SMOC1: variants seen among roughly 807,000 people sequenced by gnomAD.
SMOC1 encodes the protein SPARC-related modular calcium-binding protein 1.
SMOC1 carries 22 observed loss-of-function variants against 56.3 expected under a neutral mutation model. The observed-to-expected ratio is 0.39, with a 90% CI of 0.28 to 0.56. SMOC1 has a LOEUF of 0.56. Ranked by LOEUF, SMOC1 falls within the 20% of genes least tolerant of loss-of-function variation. The pLI, the probability that SMOC1 is intolerant of heterozygous loss-of-function variation, is 0.61. For missense variants in SMOC1, 509 were observed against 565.4 expected (o/e 0.90, Z 1.01); for synonymous variants, 193 against 215.0 (o/e 0.90, Z 0.89).
intron 6 of SMOC1, among the ~76,000 whole-genome samples, chr14:69,992,827 T>C (rs1030133487): frequency 6.6e-6 from 1 of 152,090 alleles, no homozygotes; most frequent in African/African-American, 2.4e-5. Flanking sequence ...TAATTGGCAC[T>C]TGCAAGTGTC....
intron 1 of SMOC1, among the ~76,000 whole-genome samples, chr14:69,906,132 C>T (rs184722048): frequency 7.7e-4 from 117 of 152,268 alleles, no homozygotes; most frequent in African/African-American, 2.7e-3. Context: ...AACAATCTCC[C>T]CTACCCCACA....
chr14:69,980,517 A>G (rs1351638317), intron 5 of SMOC1, among the ~76,000 whole-genome samples: 1 of 152,168 alleles, frequency 6.6e-6, no homozygotes, highest in Non-Finnish European at 1.5e-5. Flanking sequence ...CGCAGTGAAG[A>G]GCAGGTTCGG....
chr14:69,890,634 G>A (rs1369898903), intron 1 of SMOC1, among the ~76,000 whole-genome samples: 3 of 152,154 alleles, frequency 2.0e-5, no homozygotes, highest in African/African-American at 7.2e-5. Flanking sequence ...TGACACAATT[G>A]GCCTGTATTC....
intron 1 of SMOC1, among the ~76,000 whole-genome samples, chr14:69,926,128 A>G (rs1885004831): frequency 6.6e-6 from 1 of 151,984 alleles, no homozygotes; most frequent in Non-Finnish European, 1.5e-5. Flanking sequence ...TTGCATGTCC[A>G]GGGAACAGAC....
intron 3 of SMOC1, among the ~76,000 whole-genome samples, chr14:69,972,794 G>T (rs1883816084): frequency 6.6e-6 from 1 of 152,234 alleles, no homozygotes; most frequent in Non-Finnish European, 1.5e-5. Flanking sequence ...ATTTGCTTCT[G>T]TCCCCACTAG....
At chr14:69,895,426 A>G (rs1017139559) in intron 1 of SMOC1, among the ~76,000 whole-genome samples, 3 of 152,170 alleles carry the variant, frequency 2.0e-5, no homozygotes, top group African/African-American at 7.2e-5. Context: ...GTAAACATCC[A>G]CCCAACTGAA....
chr14:69,949,488 C>T (rs1882915020), intron 1 of SMOC1, among the ~76,000 whole-genome samples: 1 of 152,154 alleles, frequency 6.6e-6, no homozygotes. Context: ...CCACTGGTAA[C>T]CAAATCATGC....
At chr14:69,966,417 A>G (rs944371403) in intron 3 of SMOC1, among the ~76,000 whole-genome samples, 7 of 152,214 alleles carry the variant, frequency 4.6e-5, no homozygotes, top group African/African-American at 1.7e-4. Context: ...TCTTCACCAT[A>G]TAATTGGATT....
At chr14:69,946,563 A>G (rs2139426677) in intron 1 of SMOC1, among the ~76,000 whole-genome samples, 1 of 152,320 alleles carries the variant, frequency 6.6e-6, no homozygotes, top group African/African-American at 2.4e-5. Context: ...TAAAACTGCT[A>G]TTTCCCTCTA....
chr14:69,947,804 A>G (rs995754502), intron 1 of SMOC1, among the ~76,000 whole-genome samples: 4 of 152,252 alleles, frequency 2.6e-5, no homozygotes, highest in Non-Finnish European at 5.9e-5. Flanking sequence ...GCAGTGCTTA[A>G]TAGCCACATG....
At position 69,910,708 on chromosome 14, in the gene SMOC1, G is replaced by A. The variant is rs1417600968; in HGVS notation, c.99+30931G>A. 3.3e-5 allele frequency among the ~76,000 whole-genome samples: 5 copies of A among 152,186 alleles called. No homozygotes were observed. The South Asian group carries it at 1.0e-3, about 32-fold the overall frequency. ...CATAGGGTCAAGAGAGACAGACTGT[G>A]TGTATGCCGAGGAGGTGTCAAGTCA... On this transcript the variant is annotated intron_variant, in intron 1 of 11. Coordinates refer to ENST00000361956, the MANE Select transcript of SMOC1 (RefSeq NM_001034852.3).
chr14:69,919,707 C>T (rs1884781175), intron 1 of SMOC1, among the ~76,000 whole-genome samples: 1 of 152,144 alleles, frequency 6.6e-6, no homozygotes, highest in Admixed American at 6.5e-5. Context: ...TTGGGTGGGC[C>T]TAAGATCTAC....
chr14:69,921,944 G>C (rs1421120669), intron 1 of SMOC1, among the ~76,000 whole-genome samples: 1 of 152,230 alleles, frequency 6.6e-6, no homozygotes, highest in Admixed American at 6.5e-5. Context: ...TGGGCTGGCT[G>C]TGATTTTGGG....
intron 3 of SMOC1, among the ~76,000 whole-genome samples, chr14:69,965,404 T>TAATAATAATAATAAAAAA (rs761154559): frequency 6.7e-5 from 10 of 149,478 alleles, no homozygotes; most frequent in South Asian, 4.2e-4. Context: ...ATAATAATAA[T>TAATAATAATAATAAAAAA]AAAAAGATGA....
intron 3 of SMOC1, among the ~76,000 whole-genome samples, chr14:69,954,241 C>A (rs1883110062): frequency 6.6e-6 from 1 of 152,216 alleles, no homozygotes; most frequent in East Asian, 1.9e-4. Context: ...AGCAGTGGCA[C>A]AATCATAGCT....
intron 5 of SMOC1, among the ~76,000 whole-genome samples, chr14:69,985,909 A>G (rs1186679014): frequency 4.6e-5 from 7 of 152,242 alleles, no homozygotes; most frequent in African/African-American, 1.7e-4. Context: ...TGCCTAATTT[A>G]TAAATAAACC....
intron 5 of SMOC1, among the ~76,000 whole-genome samples, chr14:69,991,024 C>T (rs1323946698): frequency 6.6e-6 from 1 of 152,094 alleles, no homozygotes; most frequent in Non-Finnish European, 1.5e-5. Context: ...TCTCTCCCTC[C>T]CCCAATAAGA....
chr14:69,888,386 A>G (rs1283681622), intron 1 of SMOC1, among the ~76,000 whole-genome samples: 2 of 152,222 alleles, frequency 1.3e-5, no homozygotes, highest in African/African-American at 2.4e-5. Context: ...CTTGTTAGGT[A>G]TGGAGCTCTG....
intron 1 of SMOC1, among the ~76,000 whole-genome samples, chr14:69,899,201 G>T (rs936762994): frequency 1.3e-5 from 2 of 152,142 alleles, no homozygotes; most frequent in Non-Finnish European, 2.9e-5. Context: ...GCTTTGCTGT[G>T]GTTCAAAATG....
Sources: allele counts gnomAD v4.1 joint callset (sites outside exome capture counted in the v4.1 genomes callset), GRCh38; gene constraint gnomAD v4.1.1; transcripts MANE v1.5; gene names NCBI Gene and HGNC (gene_info 2026-07-23, HGNC 2026-07-21).